EPHA3: variants seen among roughly 807,000 people sequenced by gnomAD.
EPHA3 encodes the protein EPH receptor A3.
Under a neutral mutation model 107.1 loss-of-function variants are expected in EPHA3, and 42 were observed. The ratio of observed to expected loss-of-function variants is 0.39; its 90% confidence interval spans 0.31 to 0.51. The LOEUF (loss-of-function observed/expected upper bound fraction) is 0.51. EPHA3 is among the 20% of genes least tolerant of loss of function. EPHA3 has a pLI of 0.78. For missense variants in EPHA3, 1,183 were observed against 1,211.2 expected (o/e 0.98, Z 0.35); for synonymous variants, 461 against 424.8 (o/e 1.09, Z -1.05).
Position 89,351,160 on chromosome 3 carries a change from C to T in EPHA3, c.1306+9070C>T, listed in dbSNP as rs1256075779. Among the ~76,000 whole-genome samples the T allele has an allele frequency of 1.1e-3, 171 of 151,334 alleles. 1 individual carries two copies. The highest frequency in any genetic ancestry group is 1.6e-3 in the Non-Finnish European group (109 of 67,520). ...TGGGCTCCACCCAGTTCGAGCTTCC[C>T]CGCTGCTTTGTTTACCTAAGCAAGC... On this transcript the variant is annotated intron_variant, in intron 5 of 16. Transcript: ENST00000336596.
At chr3:89,236,655 G>T (rs1478728640) in intron 3 of EPHA3, among the ~76,000 whole-genome samples, 1 of 151,166 alleles carries the variant, frequency 6.6e-6, no homozygotes, top group Non-Finnish European at 1.5e-5. Flanking sequence ...TGGGTGCAGC[G>T]CACCAGCATG....
intron 3 of EPHA3, among the ~76,000 whole-genome samples, chr3:89,242,404 TTTC>T (rs1704919832): frequency 6.6e-6 from 1 of 152,152 alleles, no homozygotes; most frequent in Non-Finnish European, 1.5e-5. Context: ...GTTTTAGTAT[TTTC>T]TTTTTTGTTG....
chr3:89,168,326 C>G (rs1304339557), intron 2 of EPHA3, among the ~76,000 whole-genome samples: 3 of 152,078 alleles, frequency 2.0e-5, no homozygotes, highest in Admixed American at 6.5e-5. Context: ...ATAACTTTGA[C>G]AACTGTGGTA....
At chr3:89,397,500 T>C (rs750009268) in intron 6 of EPHA3, among the ~76,000 whole-genome samples, 1 of 152,058 alleles carries the variant, frequency 6.6e-6, no homozygotes, top group Non-Finnish European at 1.5e-5. Context: ...TTTAATTGTA[T>C]ACATCTGCAC....
intron 3 of EPHA3, among the ~76,000 whole-genome samples, chr3:89,274,438 GGGA>G (rs1431824684): frequency 1.2e-4 from 18 of 151,960 alleles, no homozygotes; most frequent in Admixed American, 1.1e-3. Flanking sequence ...AGTATATTTA[GGGA>G]GGAGAAGAGT....
chr3:89,479,375 A>G (rs752650111), intron 16 of EPHA3, 22 bp from the exon 17 acceptor site: 1 of 1,595,800 alleles, frequency 6.3e-7, no homozygotes, highest in Non-Finnish European at 8.6e-7. Context: ...ACCGATTCTT[A>G]TATTGTTTTC....
At chr3:89,419,182 G>T in intron 10 of EPHA3, 23 bp from the exon 11 acceptor site, 2 of 1,545,360 alleles carry the variant, frequency 1.3e-6, no homozygotes, top group South Asian at 1.2e-5. Flanking sequence ...CTTACATTTT[G>T]TTGCTGTTCT....
At chr3:89,475,695 G>C (rs1406570287) in intron 16 of EPHA3, among the ~76,000 whole-genome samples, 1 of 152,204 alleles carries the variant, frequency 6.6e-6, no homozygotes, top group Non-Finnish European at 1.5e-5. Context: ...ATATTAAGCA[G>C]ATTCATTGCC....
rs35613113 is a variant in EPHA3, at chr3:89,180,305, AT to A, written c.154-29545del. On this transcript the variant is annotated intron_variant, in intron 2 of 16. Coordinates refer to ENST00000336596, the MANE Select transcript of EPHA3 (RefSeq NM_005233.6). ...TGTCCTTTATGCAATTCCAAATCTGATTTTTTTTTTAAAGTAAGTTACCCAC... is the reference window on the plus strand; with the variant it reads ...TGTCCTTTATGCAATTCCAAATCTGATTTTTTTTTAAAGTAAGTTACCCAC... Among the ~76,000 whole-genome samples the A allele has an allele frequency of 1.6e-3, 240 of 149,996 alleles. 1 individual carries two copies. The highest frequency in any genetic ancestry group is 5.4e-3 in the African/African-American group (220 of 41,002).
chr3:89,466,493 C>T (rs1435260791), intron 15 of EPHA3, among the ~76,000 whole-genome samples: 2 of 133,416 alleles, frequency 1.5e-5, no homozygotes, highest in African/African-American at 5.9e-5. Flanking sequence ...ACTCCGTGGG[C>T]GTAGGACCCT....
intron 3 of EPHA3, among the ~76,000 whole-genome samples, chr3:89,277,145 A>G (rs553691676): frequency 6.6e-6 from 1 of 152,294 alleles, no homozygotes; most frequent in Admixed American, 6.5e-5. Flanking sequence ...ATAGTTTAAT[A>G]TGAAGGCATA....
intron 2 of EPHA3, among the ~76,000 whole-genome samples, chr3:89,152,046 A>G (rs1704701163): frequency 6.6e-6 from 1 of 152,024 alleles, no homozygotes; most frequent in Non-Finnish European, 1.5e-5. Flanking sequence ...TTTAATGAAG[A>G]CTTCTGCCTT....
chr3:89,400,022 C>A, intron 7 of EPHA3: 1 of 1,038,264 alleles, frequency 9.6e-7, no homozygotes, highest in Non-Finnish European at 1.2e-6. Context: ...TGGCCTAAAA[C>A]TGGCAAACAT....
At chr3:89,148,298 T>C (rs1704612978) in intron 2 of EPHA3, among the ~76,000 whole-genome samples, 1 of 151,992 alleles carries the variant, frequency 6.6e-6, no homozygotes, top group Admixed American at 6.6e-5. Context: ...TACCTGTTTT[T>C]AAAGTATCTA....
intron 13 of EPHA3, among the ~76,000 whole-genome samples, chr3:89,443,842 C>T (rs1428850535): frequency 6.6e-6 from 1 of 152,114 alleles, no homozygotes; most frequent in African/African-American, 2.4e-5. Context: ...TGCTGGAAGA[C>T]TCCTAAATGT....
intron 11 of EPHA3, among the ~76,000 whole-genome samples, chr3:89,421,189 A>G (rs559825361): frequency 6.6e-6 from 1 of 151,518 alleles, no homozygotes; most frequent in East Asian, 1.9e-4. Flanking sequence ...GGAACTATTA[A>G]TAATCCTTAA....
intron 3 of EPHA3, among the ~76,000 whole-genome samples, chr3:89,265,265 C>G (rs1433255881): frequency 6.6e-6 from 1 of 152,110 alleles, no homozygotes; most frequent in African/African-American, 2.4e-5. Context: ...TAGAGCATAG[C>G]ATTTATTTAG....
chr3:89,455,756 C>G (rs1710084782), intron 15 of EPHA3, among the ~76,000 whole-genome samples: 1 of 152,180 alleles, frequency 6.6e-6, no homozygotes, highest in Non-Finnish European at 1.5e-5. Context: ...CTCCTTTGCA[C>G]CTTTCTTCCT....
At chr3:89,274,739 A>G (rs1705764060) in intron 3 of EPHA3, among the ~76,000 whole-genome samples, 1 of 151,994 alleles carries the variant, frequency 6.6e-6, no homozygotes, top group Non-Finnish European at 1.5e-5. Context: ...ACTTTTGGAG[A>G]ATGGACAGCG....
Sources: gnomAD v4.1 joint callset for allele counts (sites outside exome capture counted in the v4.1 genomes callset) on GRCh38, gnomAD v4.1.1 for gene constraint, MANE v1.5 for transcripts, NCBI Gene and HGNC (gene_info 2026-07-23, HGNC 2026-07-21) for gene names.